Variants in SLC26A5 observed in about 807,000 individuals in gnomAD.
SLC26A5 encodes the protein prestin.
Under a neutral mutation model 81.0 loss-of-function variants are expected in SLC26A5, and 51 were observed. The ratio of observed to expected loss-of-function variants is 0.63; its 90% CI spans 0.50 to 0.80. SLC26A5 has a LOEUF of 0.80. SLC26A5 is among the 30% of genes least tolerant of loss of function. The probability of loss-of-function intolerance (pLI) is 0.00; values close to 1 mark genes in which losing one functional copy is unlikely to be tolerated. For synonymous variants in SLC26A5, 325 were observed against 332.8 expected (o/e 0.98, Z 0.25); for missense variants, 771 against 905.8 (o/e 0.85, Z 1.91).
chr7:103,428,721 C>A (rs1241313001), intron 2 of SLC26A5, among the ~76,000 whole-genome samples: 1 of 152,072 alleles, frequency 6.6e-6, no homozygotes, highest in Non-Finnish European at 1.5e-5. Context: ...TGCCACTACG[C>A]CTGGCTAATT....
intron 2 of SLC26A5, among the ~76,000 whole-genome samples, chr7:103,427,851 C>CT (rs60928156): frequency 0.17 from 24,413 of 143,882 alleles, 2,181 homozygotes; most frequent in South Asian, 0.27. Context: ...TCTAGAGATT[C>CT]TTTTTTTTTT....
rs138868215 is a variant in SLC26A5 at position 103,417,137 on chromosome 7, C to T, written c.292+3601G>A. On this transcript the variant is annotated intron_variant, in intron 4 of 19. Transcript: ENST00000306312. ...CTGTAATCCCAGCACTTTGGGAGGC[C>T]GAGGCGGGTGGATCACAAGGTCAAG... Among the ~76,000 whole-genome samples the T allele has an allele frequency of 1.3e-3, 201 of 151,874 alleles. 2 individuals are homozygous for T. Among genetic ancestry groups the T allele is most frequent in the African/African-American group, 4.4e-3 (183 of 41,424 alleles).
downstream of SLC26A5, among the ~76,000 whole-genome samples, chr7:103,372,134 T>C (rs2116309830): frequency 6.6e-6 from 1 of 152,382 alleles, no homozygotes; most frequent in East Asian, 1.9e-4. Context: ...CGTATCAGAA[T>C]GCAGATGTAT....
At chr7:103,423,596 G>A (rs1244480805) in intron 2 of SLC26A5, among the ~76,000 whole-genome samples, 3 of 152,122 alleles carry the variant, frequency 2.0e-5, no homozygotes, top group Non-Finnish European at 4.4e-5. Context: ...AGCACAGGGA[G>A]TTCACCCCCT....
intron 8 of SLC26A5, among the ~76,000 whole-genome samples, chr7:103,402,181 A>G (rs28826940): frequency 0.33 from 50,365 of 151,862 alleles, 11,673 homozygotes; most frequent in African/African-American, 0.66. Flanking sequence ...CTGTGAATCC[A>G]TTTGGTCCTG....
intron 8 of SLC26A5, 77 bp from the exon 9 acceptor site, chr7:103,398,091 TTAGTC>T: frequency 9.2e-7 from 1 of 1,083,626 alleles, no homozygotes; most frequent in Non-Finnish European, 1.4e-6. Context: ...AAATAATATG[TTAGTC>T]AAGTCAAATC....
chr7:103,361,909 A>C (rs773502466), intron 19 of SLC26A5: 27 of 1,551,828 alleles, frequency 1.7e-5, no homozygotes, highest in Non-Finnish European at 2.3e-5. Flanking sequence ...TGAATTCATT[A>C]TTAGTGGCTT....
chr7:103,357,492 C>T (rs1820104909), intron 19 of SLC26A5, among the ~76,000 whole-genome samples: 1 of 151,798 alleles, frequency 6.6e-6, no homozygotes, highest in South Asian at 2.1e-4. Context: ...TTATAGATTC[C>T]TACTTCTTGA....
intron 14 of SLC26A5, among the ~76,000 whole-genome samples, chr7:103,388,127 C>T (rs1586241473): frequency 6.6e-6 from 1 of 151,080 alleles, no homozygotes; most frequent in East Asian, 1.9e-4. Context: ...GTGATCCTCC[C>T]ACCTCAGCCT....
In SLC26A5 at chr7:103,389,414, G is replaced by T. The variant is rs773544931; in HGVS notation, c.1322C>A (p.Ser441Ter). 1.2e-6 allele frequency: 2 copies of T among 1,613,374 alleles called. No homozygotes were observed. The highest frequency in any genetic ancestry group is 1.7e-5 in the Admixed American group (1 of 60,008). The change falls in exon 13 of 20, where the codon TCG (serine) becomes TAG (stop). Residue 441 changes from serine (S) to a stop codon, truncating the protein, a stop_gained. Transcript: ENST00000306312. LOFTEE classifies it high-confidence loss of function. ...CTTCAGGTTGACAATCACAATGGCC[G>T]ACAGCACAGCCTGAAACAGAGCACA... ...LFESLPQAVL[S>*]AIVIVNLKGM...
chr7:103,402,393 CT>C (rs541398228), intron 8 of SLC26A5, among the ~76,000 whole-genome samples: 2,811 of 124,438 alleles, frequency 0.023, 54 homozygotes, highest in African/African-American at 0.078. Flanking sequence ...ACGTATTGCT[CT>C]TTTTTTTTTT....
exon 20 of SLC26A5, chr7:103,352,762 GAAAAC>G: frequency 1.3e-6 from 1 of 750,170 alleles, no homozygotes; most frequent in Non-Finnish European, 2.5e-6. Context: ...TCACAAAAGA[GAAAAC>G]AAAGTTCAGA....
intron 19 of SLC26A5, among the ~76,000 whole-genome samples, chr7:103,359,942 G>A (rs753853278): frequency 5.3e-5 from 8 of 152,026 alleles, no homozygotes; most frequent in South Asian, 2.1e-4. Context: ...TTAGCTGGGC[G>A]TGGTGGCAGG....
intron 8 of SLC26A5, among the ~76,000 whole-genome samples, chr7:103,404,513 C>T (rs2116597441): frequency 6.6e-6 from 1 of 152,320 alleles, no homozygotes; most frequent in South Asian, 2.1e-4. Flanking sequence ...TTGGCTCCCA[C>T]TGTCTTCTGG....
intron 2 of SLC26A5, among the ~76,000 whole-genome samples, chr7:103,440,515 A>G (rs1359198391): frequency 2.0e-5 from 3 of 152,254 alleles, no homozygotes; most frequent in Admixed American, 6.5e-5. Flanking sequence ...AGTTGAAATT[A>G]TGACAAATCT....
At chr7:103,357,841 C>T (rs1302789761) in intron 19 of SLC26A5, among the ~76,000 whole-genome samples, 1 of 152,280 alleles carries the variant, frequency 6.6e-6, no homozygotes, top group South Asian at 2.1e-4. Flanking sequence ...ATTGTCTAAA[C>T]TGCTCTTCAG....
intron 19 of SLC26A5, chr7:103,363,398 A>G: frequency 6.2e-7 from 1 of 1,614,076 alleles, no homozygotes; most frequent in South Asian, 1.1e-5. Context: ...TAAGGAACAG[A>G]TTGAGAAACT....
chr7:103,405,595 A>G (rs1299844856), intron 8 of SLC26A5, among the ~76,000 whole-genome samples: 1 of 152,190 alleles, frequency 6.6e-6, no homozygotes, highest in Admixed American at 6.5e-5. Context: ...TGCCAGCCAG[A>G]GATCCCCTGG....
chr7:103,439,302 T>C (rs553990375), intron 2 of SLC26A5, among the ~76,000 whole-genome samples: 1 of 152,200 alleles, frequency 6.6e-6, no homozygotes, highest in African/African-American at 2.4e-5. Flanking sequence ...CCAGGAGGTA[T>C]AACAAGGAAG....
Sources: allele counts gnomAD v4.1 joint callset (sites outside exome capture counted in the v4.1 genomes callset), GRCh38; gene constraint gnomAD v4.1.1; transcripts MANE v1.5; gene names NCBI Gene and HGNC (gene_info 2026-07-23, HGNC 2026-07-21).